UNC13B: variants seen among roughly 807,000 people sequenced by gnomAD.
UNC13B encodes the protein unc-13 homolog B.
In UNC13B, 144 loss-of-function variants were observed where a neutral mutation model predicts 211.0. The ratio of observed to expected loss-of-function variants is 0.68; its 90% confidence interval spans 0.60 to 0.78. UNC13B has a LOEUF of 0.78. Among genes scored for constraint, UNC13B ranks in the 30% least tolerant of loss-of-function variants. UNC13B has a pLI of 0.00. For synonymous variants in UNC13B, 709 were observed against 725.8 expected (o/e 0.98, Z 0.37); for missense variants, 1,777 against 2,002.0 (o/e 0.89, Z 2.14).
intron 21 of UNC13B, 113 bp from the exon 22 acceptor site, chr9:35,384,133 A>C: frequency 6.6e-7 from 1 of 1,518,112 alleles, no homozygotes; most frequent in South Asian, 1.3e-5. Flanking sequence ...TCTCCAACCC[A>C]ATGCCTCCCG....
In UNC13B at chr9:35,364,308, T is replaced by A. The variant is rs1205815765; in HGVS notation, c.9415-2639T>A. Among the ~76,000 whole-genome samples the A allele has an allele frequency of 3.8e-5, 5 of 130,642 alleles. 1 individual carries two copies. Among genetic ancestry groups the A allele is most frequent in the African/African-American group, 2.3e-4 (5 of 21,490 alleles). The allele number at this position is 130,642 out of a possible 152,430, so 85.7% of individuals were successfully genotyped here. ...CCTGGGTAGATTTTGTCCCTTGATT[T>A]AGTTTGGAACATCTCCAGGGATGTT... On this transcript the variant is annotated intron_variant, in intron 11 of 39. Transcript: ENST00000635942.
rs1480349686 is a variant in UNC13B at position 35,222,384 on chromosome 9, A to G, written c.23-5631A>G. On this transcript the variant is annotated intron_variant, in intron 1 of 39. Coordinates refer to ENST00000635942, the MANE Select transcript of UNC13B (RefSeq NM_001371189.2). ...GCCTTACATTTCTTTTGTTAAATCT[A>G]TTCTAAGAATTTAATATTTTGGGGG... Among the ~76,000 whole-genome samples, 10 of 152,294 alleles carry G rather than the reference A, an allele frequency of 6.6e-5. No homozygotes were observed. In the South Asian group the frequency reaches 1.7e-3, roughly 25 times the overall value.
At chr9:35,364,554 G>T (rs961569080) in intron 11 of UNC13B, 1 of 1,535,902 alleles carries the variant, frequency 6.5e-7, no homozygotes, top group Non-Finnish European at 8.7e-7. Flanking sequence ...GAAGAAAAGC[G>T]AGGAGCCCTT....
chr9:35,201,256 T>C (rs1426635700), intron 1 of UNC13B, among the ~76,000 whole-genome samples: 3 of 152,186 alleles, frequency 2.0e-5, no homozygotes, highest in Admixed American at 6.5e-5. Context: ...TATTGAGGAT[T>C]TTTGCATTGA....
chr9:35,378,484 G>A (rs760175261), intron 17 of UNC13B, 48 bp downstream of exon 17: 1 of 1,610,074 alleles, frequency 6.2e-7, no homozygotes, highest in Non-Finnish European at 8.5e-7. Context: ...TGTATTGGGG[G>A]AGCAGGATCA....
rs1829950063 is a variant in UNC13B at position 35,306,870 on chromosome 9, C to T, written c.7466C>T (p.Pro2489Leu). The T allele has an allele frequency of 5.0e-6, 2 of 398,916 alleles. No individual in the cohort carries two copies. Among genetic ancestry groups the T allele is most frequent in the Non-Finnish European group, 8.8e-6 (2 of 226,074 alleles). 24.7% of individuals were successfully genotyped at this position (398,916 alleles called of 1,614,324 possible). The stretch of plus-strand genomic sequence containing the variant: ...GGACTTTTCTCCTCTCCTAAATCTC[C>T]AAAGAAAAACTCCTTTTTCTCTCTT... ...LSGLFSSPKS[P>L]KKNSFFSLAS... The change falls in exon 9 of 40, where the codon CCA becomes CTA. Residue 2489 changes from proline (P) to leucine (L), a missense_variant. Physicochemically the swap from Pro to Leu is moderately conservative, Grantham distance 98. Transcript: ENST00000635942.
At chr9:35,254,000 T>G (rs1455508595) in intron 6 of UNC13B, among the ~76,000 whole-genome samples, 1 of 152,196 alleles carries the variant, frequency 6.6e-6, no homozygotes, top group Non-Finnish European at 1.5e-5. Flanking sequence ...GTATAGAAAT[T>G]GTTTTAATTT....
At position 35,231,829 on chromosome 9, in the gene UNC13B, T is replaced by A. The variant is rs187550955; in HGVS notation, c.152+610T>A. 2.0e-5 allele frequency among the ~76,000 whole-genome samples: 3 copies of A among 152,320 alleles called. No homozygotes were observed. In the East Asian group the frequency reaches 5.8e-4, roughly 29 times the overall value. On this transcript the variant is annotated intron_variant, in intron 3 of 39. Coordinates refer to ENST00000635942, the MANE Select transcript of UNC13B (RefSeq NM_001371189.2). ...ACTTTGGCTTTAAAAACTTGTTATT[T>A]CTTTCTTTTGTCCCTTTAGTTTCAG...
intron 7 of UNC13B, among the ~76,000 whole-genome samples, chr9:35,277,600 A>G (rs1828248801): frequency 6.6e-6 from 1 of 151,964 alleles, no homozygotes; most frequent in African/African-American, 2.4e-5. Context: ...CTCCTTTGCA[A>G]AGGCTTTTAT....
At chr9:35,313,625 AAAATAAATAAATAAATAAATAAATAAAT>A (rs149145175) in intron 10 of UNC13B, among the ~76,000 whole-genome samples, 2 of 133,990 alleles carry the variant, frequency 1.5e-5, no homozygotes, top group African/African-American at 5.5e-5. Flanking sequence ...ACCCTGTCTC[AAAATAAATAAATAAATAAATAAATAAAT>A]AAATAAATAA....
Position 35,378,205 on chromosome 9 carries a change from A to G in UNC13B, c.10064-90A>G, listed in dbSNP as rs1046785089. 1.7e-5 allele frequency: 27 copies of G among 1,547,238 alleles called. No homozygotes were observed. In the African/African-American group the frequency reaches 3.0e-4, roughly 17 times the overall value. Reference sequence around the variant, plus strand: ...GGATTACGGTATCTGTGCAAGGAGCATAGACTGCTCTAAGATGGAAAGCAT... The same window carrying G: ...GGATTACGGTATCTGTGCAAGGAGCGTAGACTGCTCTAAGATGGAAAGCAT... On this transcript the variant is annotated intron_variant, in intron 16 of 39. Transcript: ENST00000635942.
At chr9:35,256,728 A>G (rs1027587540) in intron 6 of UNC13B, among the ~76,000 whole-genome samples, 2 of 152,210 alleles carry the variant, frequency 1.3e-5, no homozygotes, top group African/African-American at 4.8e-5. Flanking sequence ...GTGTGCACAC[A>G]TATACATACA....
intron 7 of UNC13B, among the ~76,000 whole-genome samples, chr9:35,273,610 T>G (rs886362050): frequency 1.3e-5 from 2 of 152,214 alleles, no homozygotes; most frequent in Non-Finnish European, 2.9e-5. Flanking sequence ...GGCAGAGAAA[T>G]GGGTCATTCT....
chr9:35,311,906 G>A (rs1348960391), intron 10 of UNC13B, among the ~76,000 whole-genome samples: 2 of 152,144 alleles, frequency 1.3e-5, no homozygotes, highest in South Asian at 4.1e-4. Flanking sequence ...TGTTATTACT[G>A]AGCTAAATCG....
At position 35,378,292 on chromosome 9, in the gene UNC13B, C is replaced by T. The variant is rs772221438; in HGVS notation, c.10064-3C>T. ...AAGCCTCCTATACATGCTTGGGTTG[C>T]AGTGGTGTGTGCCCAGGGCCTACAA... is the stretch of plus-strand genomic sequence containing the variant. On this transcript the variant is annotated splice_polypyrimidine_tract_variant and splice_region_variant and intron_variant, in intron 16 of 39. Transcript: ENST00000635942. The T allele has an allele frequency of 1.9e-6, 3 of 1,614,000 alleles. No homozygotes were observed. The highest frequency in any genetic ancestry group is 2.2e-5 in the South Asian group (2 of 91,080).
At chr9:35,280,712 A>C (rs963071305) in intron 7 of UNC13B, among the ~76,000 whole-genome samples, 12 of 152,218 alleles carry the variant, frequency 7.9e-5, no homozygotes, top group Non-Finnish European at 1.0e-4. Context: ...TTTGGCTGAT[A>C]AAAATAATGT....
intron 7 of UNC13B, among the ~76,000 whole-genome samples, chr9:35,262,378 A>G (rs1453316688): frequency 6.6e-6 from 1 of 150,862 alleles, no homozygotes; most frequent in Non-Finnish European, 1.5e-5. Flanking sequence ...GTGCAGTGGC[A>G]TGATCTTGGC....
At chr9:35,215,747 T>C (rs973301164) in intron 1 of UNC13B, among the ~76,000 whole-genome samples, 6 of 152,182 alleles carry the variant, frequency 3.9e-5, no homozygotes, top group African/African-American at 1.4e-4. Context: ...TCCTACATAG[T>C]TGAATTATTG....
chr9:35,382,229 C>T (rs1018649641), intron 20 of UNC13B, 128 bp from the exon 21 acceptor site: 24 of 1,279,768 alleles, frequency 1.9e-5, no homozygotes, highest in Non-Finnish European at 2.3e-5. Flanking sequence ...AGAAAGTAGC[C>T]CTAGGCAAGA....
Sources: gnomAD v4.1 joint callset for allele counts (sites outside exome capture counted in the v4.1 genomes callset) on GRCh38, gnomAD v4.1.1 for gene constraint, MANE v1.5 for transcripts, NCBI Gene and HGNC (gene_info 2026-07-23, HGNC 2026-07-21) for gene names.